Variants in ADGRG2 observed in about 807,000 individuals in gnomAD.
The protein encoded by ADGRG2 is adhesion G protein-coupled receptor G2.
A neutral mutation model predicts 74.1 loss-of-function variants in ADGRG2; 26 were observed. The observed-to-expected ratio is 0.35, with a 90% CI of 0.26 to 0.49. ADGRG2 has a LOEUF of 0.49. Ranked by LOEUF, ADGRG2 falls within the 20% of genes least tolerant of loss-of-function variation. The pLI is 0.99. For missense variants in ADGRG2, 619 were observed against 763.1 expected (o/e 0.81, Z 2.22); for synonymous variants, 296 against 295.2 (o/e 1.00, Z -0.03).
At chrX:19,045,294 G>GTTA (rs3056193) in intron 3 of ADGRG2, among the ~76,000 whole-genome samples, 7,664 of 95,315 alleles carry the variant, frequency 0.08, 418 homozygotes, top group African/African-American at 0.18. Flanking sequence ...GGGGGGTGTT[G>GTTA]TTATTATTAT....
intron 3 of ADGRG2, among the ~76,000 whole-genome samples, chrX:19,052,938 G>A (rs921174568): frequency 3.6e-5 from 4 of 111,301 alleles, no homozygotes; most frequent in Admixed American, 9.6e-5. Flanking sequence ...CAGGTGATCC[G>A]CTTGCCTCGG....
chrX:19,117,759 G>A (rs949680420), intron 1 of ADGRG2, among the ~76,000 whole-genome samples: 1 of 111,130 alleles, frequency 9.0e-6, no homozygotes, highest in Non-Finnish European at 1.9e-5. Flanking sequence ...GGAGGTTGCA[G>A]TGAGCCGAGA....
intron 2 of ADGRG2, among the ~76,000 whole-genome samples, chrX:19,078,807 A>G (rs902824453): frequency 6.4e-5 from 7 of 110,029 alleles, no homozygotes; most frequent in African/African-American, 2.3e-4. Flanking sequence ...AAAACAGAAA[A>G]AAGACATAAA....
intron 1 of ADGRG2, among the ~76,000 whole-genome samples, chrX:19,096,926 G>A (rs1411079056): frequency 8.9e-6 from 1 of 112,555 alleles, no homozygotes; most frequent in Non-Finnish European, 1.9e-5. Flanking sequence ...GTGAGTGTTA[G>A]TGCCATCGTT....
intron 4 of ADGRG2, 52 bp from the exon 5 acceptor site, chrX:19,037,688 A>G: frequency 1.2e-6 from 1 of 854,482 alleles, no homozygotes; most frequent in Non-Finnish European, 1.6e-6. Flanking sequence ...TATTTGTCAA[A>G]TTTTAAAGAA....
intron 1 of ADGRG2, among the ~76,000 whole-genome samples, chrX:19,083,527 G>A (rs970057033): frequency 9.0e-6 from 1 of 110,690 alleles, no homozygotes; most frequent in Non-Finnish European, 1.9e-5. Flanking sequence ...GGGGCATTTA[G>A]GTCTCTTGTG....
chrX:19,018,996 C>T (rs1026328626), intron 15 of ADGRG2, among the ~76,000 whole-genome samples: 1 of 111,328 alleles, frequency 9.0e-6, no homozygotes, highest in Non-Finnish European at 1.9e-5. Flanking sequence ...GCGCCCGCCA[C>T]CATGCCCGGC....
chrX:19,007,729 G>T (rs958514690), intron 19 of ADGRG2, among the ~76,000 whole-genome samples: 11 of 112,067 alleles, frequency 9.8e-5, no homozygotes, highest in African/African-American at 3.6e-4. Context: ...GGGTTGTTGA[G>T]AGGATTAGAG....
chrX:19,018,252 C>G (rs1235132412), intron 15 of ADGRG2, among the ~76,000 whole-genome samples: 1 of 110,740 alleles, frequency 9.0e-6, no homozygotes, highest in African/African-American at 3.3e-5. Context: ...AGACTACAGG[C>G]ACGTGCCACG....
chrX:18,994,497 C>CAA (rs377755481), intron 28 of ADGRG2, among the ~76,000 whole-genome samples: 1 of 92,776 alleles, frequency 1.1e-5, no homozygotes, highest in African/African-American at 3.9e-5. Flanking sequence ...GACTCCATCT[C>CAA]AAAAAAAAAA....
intron 4 of ADGRG2, 135 bp downstream of exon 4, chrX:19,040,054 T>C: frequency 2.1e-6 from 1 of 476,492 alleles, no homozygotes; most frequent in Non-Finnish European, 3.7e-6. Flanking sequence ...ATTTTTCAGG[T>C]GTAGGCTTAA....
At chrX:19,021,879 C>G (rs1262078057) in intron 13 of ADGRG2, among the ~76,000 whole-genome samples, 1 of 110,287 alleles carries the variant, frequency 9.1e-6, no homozygotes, top group African/African-American at 3.3e-5. Flanking sequence ...AACACCTGAC[C>G]TCAGGTGATC....
intron 3 of ADGRG2, among the ~76,000 whole-genome samples, chrX:19,064,298 C>T (rs1287431891): frequency 1.8e-5 from 2 of 112,567 alleles, no homozygotes; most frequent in Non-Finnish European, 3.8e-5. Flanking sequence ...GGCCACAGGC[C>T]ATATGTGAGT....
chrX:19,026,771 CA>C (rs2060711752), intron 11 of ADGRG2, among the ~76,000 whole-genome samples: 1 of 111,197 alleles, frequency 9.0e-6, no homozygotes, highest in African/African-American at 3.3e-5. Context: ...GCTGGGATTA[CA>C]GGGGTTAGCC....
At chrX:19,060,080 C>T (rs1480191101) in intron 3 of ADGRG2, among the ~76,000 whole-genome samples, 7 of 111,720 alleles carry the variant, frequency 6.3e-5, no homozygotes, top group Admixed American at 2.8e-4. Context: ...TGCAGTGATC[C>T]GAGATCGCGC....
intron 3 of ADGRG2, among the ~76,000 whole-genome samples, chrX:19,045,283 T>TG (rs1169582475): frequency 4.9e-5 from 5 of 101,116 alleles, no homozygotes; most frequent in South Asian, 4.3e-4. Flanking sequence ...AATACAGAAA[T>TG]GGGGGGTGTT....
intron 1 of ADGRG2, among the ~76,000 whole-genome samples, chrX:19,111,573 A>G (rs781033633): frequency 8.9e-6 from 1 of 112,082 alleles, no homozygotes; most frequent in South Asian, 3.7e-4. Flanking sequence ...GTAAGTAAAG[A>G]AGTGATGGCT....
At chrX:19,098,706 G>T (rs2062138656) in intron 1 of ADGRG2, among the ~76,000 whole-genome samples, 2 of 111,192 alleles carry the variant, frequency 1.8e-5, no homozygotes, top group Admixed American at 9.6e-5. Context: ...TTTTAGAGAG[G>T]TGTCCTGTGA....
intron 1 of ADGRG2, among the ~76,000 whole-genome samples, chrX:19,102,759 C>T (rs1167588007): frequency 9.0e-6 from 1 of 110,679 alleles, no homozygotes; most frequent in East Asian, 2.8e-4. Context: ...CTTCCCCCAC[C>T]TCTCTCTGCC....
Sources: gnomAD v4.1 joint callset for allele counts (sites outside exome capture counted in the v4.1 genomes callset) on GRCh38, gnomAD v4.1.1 for gene constraint, MANE v1.5 for transcripts, NCBI Gene and HGNC (gene_info 2026-07-23, HGNC 2026-07-21) for gene names.